Variants in ERBIN observed in about 807,000 individuals in gnomAD.
ERBIN encodes erbb2 interacting protein.
Under a neutral mutation model 158.4 loss-of-function variants are expected in ERBIN, and 60 were observed. The ratio of observed to expected loss-of-function variants is 0.38; its 90% confidence interval spans 0.31 to 0.47. The LOEUF (loss-of-function observed/expected upper bound fraction) is 0.47. ERBIN is among the 20% of genes least tolerant of loss of function. ERBIN has a pLI of 0.99. For missense variants in ERBIN, 1,610 were observed against 1,648.0 expected (o/e 0.98, Z 0.40); for synonymous variants, 594 against 557.2 (o/e 1.07, Z -0.93).
chr5:66,078,584 A>C lies in ERBIN; in HGVS notation c.*54A>C, dbSNP rs1762223742. 2.9e-6 allele frequency: 3 copies of C among 1,018,614 alleles called. No individual in the cohort carries two copies. The highest frequency in any genetic ancestry group is 4.0e-5 in the Admixed American group (2 of 50,316). The allele number at this position is 1,018,614 out of a possible 1,614,324, so 63.1% of individuals were successfully genotyped here. A position where few individuals can be genotyped will look rare whatever the true frequency, so the allele number is the denominator to read the frequency against. ...CAGCAAGATTTATTGGAAGATACTTACAGGGGAAATTAATATTTTGACTAT... is the reference window on the plus strand; with the variant it reads ...CAGCAAGATTTATTGGAAGATACTTCCAGGGGAAATTAATATTTTGACTAT... On this transcript the variant is annotated 3_prime_UTR_variant, in exon 26 of 26. Transcript: ENST00000284037.
intron 7 of ERBIN, among the ~76,000 whole-genome samples, chr5:66,019,651 CTTT>C (rs1408903459): frequency 6.6e-6 from 1 of 152,016 alleles, no homozygotes; most frequent in Non-Finnish European, 1.5e-5. Context: ...AGTATATTTT[CTTT>C]TTTATTACAT....
intron 1 of ERBIN, among the ~76,000 whole-genome samples, chr5:65,956,637 C>T (rs1038814347): frequency 1.3e-4 from 19 of 151,692 alleles, no homozygotes; most frequent in African/African-American, 7.3e-5. Context: ...GCCTCAGACT[C>T]CCAAAGTGTT....
chr5:66,076,666 G>C (rs1762009821), intron 24 of ERBIN: 1 of 598,290 alleles, frequency 1.7e-6, no homozygotes, highest in Non-Finnish European at 3.0e-6. Context: ...ACCTATAAAA[G>C]TAATTTTATT....
intron 15 of ERBIN, among the ~76,000 whole-genome samples, chr5:66,039,598 GGTTT>G (rs1220766959): frequency 6.6e-6 from 1 of 151,692 alleles, no homozygotes; most frequent in Non-Finnish European, 1.5e-5. Flanking sequence ...GCATAAGCAG[GGTTT>G]GCACTTCTAT....
chr5:66,040,418 A>G (rs917608284), intron 15 of ERBIN, among the ~76,000 whole-genome samples: 7 of 151,882 alleles, frequency 4.6e-5, no homozygotes, highest in African/African-American at 1.7e-4. Flanking sequence ...TTTATTTCTG[A>G]TAGGAAGAAT....
intron 1 of ERBIN, among the ~76,000 whole-genome samples, chr5:65,933,563 T>C (rs1399462921): frequency 7.2e-5 from 11 of 152,318 alleles, no homozygotes. Context: ...ATGGTTTTGC[T>C]CTCTGGCTGA....
rs772257568 is a variant in ERBIN at position 65,992,578 on chromosome 5, T to A, written c.-9-132T>A. The A allele has an allele frequency of 2.1e-4, 123 of 596,122 alleles. 1 individual carries two copies. Among genetic ancestry groups the A allele is most frequent in the South Asian group, 6.1e-4 (22 of 36,304 alleles). 36.9% of individuals were successfully genotyped at this position (596,122 alleles called of 1,614,324 possible). A position where few individuals can be genotyped will look rare whatever the true frequency, so the allele number is the denominator to read the frequency against. ...GGTATTAAAGCAATGTTAAATGGGT[T>A]CCATTGTGCTTGTATAGTGGCAGGA... On this transcript the variant is annotated intron_variant, in intron 2 of 25. Transcript: ENST00000284037.
intron 14 of ERBIN, 107 bp from the exon 15 acceptor site, chr5:66,038,276 A>G (rs892037229): frequency 1.7e-6 from 1 of 598,014 alleles, no homozygotes; most frequent in Non-Finnish European, 2.9e-6. Flanking sequence ...TGTAACCTGC[A>G]CATTGATACT....
chr5:66,024,535 G>C lies in ERBIN; in HGVS notation c.817+85G>C. 3.0e-6 allele frequency: 4 copies of C among 1,333,752 alleles called. No individual in the cohort carries two copies. The South Asian group carries it at 5.5e-5, about 18-fold the overall frequency. The allele number at this position is 1,333,752 out of a possible 1,614,324, so 82.6% of individuals were successfully genotyped here. A position where few individuals can be genotyped will look rare whatever the true frequency, so the allele number is the denominator to read the frequency against. ...AATCTCAAATTTCACTTGTTATGAG[G>C]TAGTTATACTTCGTTACCACAGGAA... On this transcript the variant is annotated intron_variant, in intron 10 of 25. Transcript: ENST00000284037.
chr5:66,041,061 T>C (rs1364848561), intron 15 of ERBIN, among the ~76,000 whole-genome samples: 1 of 151,784 alleles, frequency 6.6e-6, no homozygotes, highest in Non-Finnish European at 1.5e-5. Context: ...TCTTTTTACA[T>C]TGAAGTGAAA....
chr5:65,944,540 G>C (rs1745501697), intron 1 of ERBIN, among the ~76,000 whole-genome samples: 1 of 152,042 alleles, frequency 6.6e-6, no homozygotes, highest in Non-Finnish European at 1.5e-5. Flanking sequence ...AGGTAGCTGG[G>C]ACTATAGGCA....
In ERBIN at chr5:66,054,287, C is replaced by G. The variant is rs145272480; in HGVS notation, c.2969C>G (p.Thr990Ser). ...QYSSSAAVKD[T>S]LWHSKQNPQI... The stretch of plus-strand genomic sequence containing the variant: ...AGTAGCAGTGCTGCAGTCAAAGACA[C>G]TTTGTGGCACTCCAAACAAAATCCC... Residue 990 changes from threonine to serine, a missense_variant, in exon 21 of 26, where the codon ACT (threonine) becomes AGT (serine). By Grantham distance (58) the Thr-to-Ser change is moderately conservative (BLOSUM62 1). Coordinates refer to ENST00000284037, the MANE Select transcript of ERBIN (RefSeq NM_001253697.2). 184 of 1,614,178 alleles carry G rather than the reference C, an allele frequency of 1.1e-4. No individual in the cohort carries two copies. The African/African-American group carries it at 2.3e-3, about 20-fold the overall frequency.
At chr5:65,952,118 A>G (rs1746573376) in intron 1 of ERBIN, among the ~76,000 whole-genome samples, 1 of 152,186 alleles carries the variant, frequency 6.6e-6, no homozygotes, top group Non-Finnish European at 1.5e-5. Flanking sequence ...ATTGAACGGT[A>G]TACCTGAAAA....
intron 16 of ERBIN, among the ~76,000 whole-genome samples, chr5:66,043,700 T>A (rs1005082912): frequency 2.6e-5 from 4 of 152,188 alleles, no homozygotes; most frequent in African/African-American, 9.7e-5. Context: ...ATGTAATTAT[T>A]TGCCCCTTAT....
chr5:65,928,682 C>A (rs897094528), intron 1 of ERBIN, among the ~76,000 whole-genome samples: 4 of 152,004 alleles, frequency 2.6e-5, no homozygotes, highest in African/African-American at 9.7e-5. Flanking sequence ...GTGAGGTGTT[C>A]ACCTTTGTGT....
chr5:66,021,197 A>T, intron 7 of ERBIN, 125 bp from the exon 8 acceptor site: 1 of 488,270 alleles, frequency 2.0e-6, no homozygotes, highest in Non-Finnish European at 3.6e-6. Context: ...TAATATTTTT[A>T]TTTTGTCAAC....
At chr5:65,973,724 G>A (rs1188927531) in intron 1 of ERBIN, among the ~76,000 whole-genome samples, 2 of 151,318 alleles carry the variant, frequency 1.3e-5, no homozygotes, top group African/African-American at 2.5e-5. Context: ...TCAGTAGTAA[G>A]GCAAAAGGCC....
At chr5:66,048,840 T>G (rs1399405842) in intron 19 of ERBIN, 59 bp downstream of exon 19, 2 of 1,041,148 alleles carry the variant, frequency 1.9e-6, no homozygotes, top group African/African-American at 1.7e-5. Context: ...TTATAAATTT[T>G]TTTGAAATAA....
intron 1 of ERBIN, among the ~76,000 whole-genome samples, chr5:65,966,992 T>C (rs1748716999): frequency 6.6e-6 from 1 of 152,100 alleles, no homozygotes; most frequent in Non-Finnish European, 1.5e-5. Context: ...ATATAGGAGC[T>C]GGGCCTGGTA....
Sources: gnomAD v4.1 joint callset for allele counts (sites outside exome capture counted in the v4.1 genomes callset) on GRCh38, gnomAD v4.1.1 for gene constraint, MANE v1.5 for transcripts, NCBI Gene and HGNC (gene_info 2026-07-23, HGNC 2026-07-21) for gene names.